Variants in ADARB2 observed in about 807,000 individuals in gnomAD.
ADARB2 encodes the protein adenosine deaminase RNA specific B2 (inactive).
A neutral mutation model predicts 62.2 loss-of-function variants in ADARB2; 25 were observed. The observed-to-expected ratio is 0.40, with a 90% CI of 0.29 to 0.56. ADARB2 has a LOEUF of 0.56. Ranked by LOEUF, ADARB2 falls within the 20% of genes least tolerant of loss-of-function variation. ADARB2 has a pLI of 0.43. For synonymous variants in ADARB2, 572 were observed against 500.8 expected, an observed-to-expected ratio of 1.14 and a Z score of -1.90; for missense variants, 1,071 against 1,077.4, an observed-to-expected ratio of 0.99 and a Z score of 0.08.
At chr10:1,558,155 C>A (rs1028246463) in intron 1 of ADARB2, among the ~76,000 whole-genome samples, 1 of 152,082 alleles carries the variant, frequency 6.6e-6, no homozygotes, top group African/African-American at 2.4e-5. Flanking sequence ...TTCCCACCCC[C>A]AGGCTGTGCC....
chr10:1,474,194 AG>A (rs1344452678), intron 1 of ADARB2, among the ~76,000 whole-genome samples: 1 of 152,234 alleles, frequency 6.6e-6, no homozygotes, highest in Non-Finnish European at 1.5e-5. Flanking sequence ...GTAAATTAAA[AG>A]GCATCTTCTC....
At chr10:1,717,373 C>T (rs1835032839) in intron 1 of ADARB2, among the ~76,000 whole-genome samples, 1 of 151,596 alleles carries the variant, frequency 6.6e-6, no homozygotes. Context: ...CTGACAGAGC[C>T]GCAGGTCTGA....
chr10:1,351,987 GCTTT>G (rs1476766325), intron 3 of ADARB2, among the ~76,000 whole-genome samples: 3 of 150,012 alleles, frequency 2.0e-5, no homozygotes, highest in Admixed American at 6.6e-5. Context: ...TCTCAAACAT[GCTTT>G]CTTTACTATT....
chr10:1,499,883 A>G (rs1831743009), intron 1 of ADARB2, among the ~76,000 whole-genome samples: 1 of 152,088 alleles, frequency 6.6e-6, no homozygotes, highest in Non-Finnish European at 1.5e-5. Context: ...GTCATTACTC[A>G]CTTATCTCTC....
At chr10:1,584,208 A>G (rs781112736) in intron 1 of ADARB2, among the ~76,000 whole-genome samples, 3 of 152,220 alleles carry the variant, frequency 2.0e-5, no homozygotes, top group Non-Finnish European at 4.4e-5. Context: ...ACCATAGATT[A>G]GGAGAAAATA....
chr10:1,280,565 G>T (rs139685656), intron 3 of ADARB2, among the ~76,000 whole-genome samples: 7 of 147,932 alleles, frequency 4.7e-5, no homozygotes, highest in African/African-American at 1.6e-4. Flanking sequence ...GTGATGCTCC[G>T]TGAAATTCCT....
At chr10:1,469,633 A>C (rs1831296821) in intron 1 of ADARB2, among the ~76,000 whole-genome samples, 1 of 152,224 alleles carries the variant, frequency 6.6e-6, no homozygotes. Flanking sequence ...GTAATTGATG[A>C]CTGGTGCCTT....
At chr10:1,678,074 G>C (rs938808253) in intron 1 of ADARB2, 2 of 705,488 alleles carry the variant, frequency 2.8e-6, no homozygotes, top group Admixed American at 6.3e-5. Context: ...TACACCACAG[G>C]CCTAGTGGTT....
At chr10:1,435,531 G>A (rs866271263) in intron 1 of ADARB2, among the ~76,000 whole-genome samples, 20 of 152,326 alleles carry the variant, frequency 1.3e-4, no homozygotes, top group Middle Eastern at 3.4e-3. Flanking sequence ...TGAGGGCGGA[G>A]CCTTCACAGC....
At chr10:1,577,350 A>G (rs1015886514) in intron 1 of ADARB2, among the ~76,000 whole-genome samples, 3 of 150,496 alleles carry the variant, frequency 2.0e-5, no homozygotes, top group Non-Finnish European at 4.4e-5. Context: ...TGATACCCTC[A>G]TGCACACAGG....
chr10:1,361,053 A>G (rs1013273678), intron 3 of ADARB2: 1 of 152,346 alleles, frequency 6.6e-6, no homozygotes, highest in African/African-American at 2.4e-5. Context: ...TGAGCAAGGT[A>G]TCCCAGCGAC....
chr10:1,299,012 TG>T (rs1272499425), intron 3 of ADARB2, among the ~76,000 whole-genome samples: 1 of 152,048 alleles, frequency 6.6e-6, no homozygotes, highest in Non-Finnish European at 1.5e-5. Context: ...CCCAAACTGC[TG>T]GGATGACAGG....
intron 1 of ADARB2, among the ~76,000 whole-genome samples, chr10:1,482,742 G>A (rs1040907739): frequency 1.3e-5 from 2 of 152,046 alleles, no homozygotes; most frequent in Non-Finnish European, 2.9e-5. Context: ...CTTGTTGTCT[G>A]CATTGGAATG....
intron 2 of ADARB2, among the ~76,000 whole-genome samples, chr10:1,375,778 G>A (rs925700815): frequency 2.0e-5 from 3 of 149,880 alleles, no homozygotes; most frequent in Admixed American, 6.6e-5. Flanking sequence ...GCACACATGT[G>A]CACACACATG....
At chr10:1,675,441 G>T (rs902567038) in intron 1 of ADARB2, 5 of 962,822 alleles carry the variant, frequency 5.2e-6, no homozygotes, top group Admixed American at 7.1e-5. Context: ...GGAGGTTTGG[G>T]TTGGAGGTGC....
At chr10:1,493,368 A>G (rs1227831026) in intron 1 of ADARB2, among the ~76,000 whole-genome samples, 2 of 152,140 alleles carry the variant, frequency 1.3e-5, no homozygotes, top group Non-Finnish European at 2.9e-5. Flanking sequence ...TTCTTTGGGT[A>G]TATTTTTGTA....
chr10:1,727,587 G>T (rs1164587263), intron 1 of ADARB2, among the ~76,000 whole-genome samples: 1 of 151,976 alleles, frequency 6.6e-6, no homozygotes, highest in African/African-American at 2.4e-5. Context: ...AACTTAAAGG[G>T]GTTTACATTT....
chr10:1,242,920 C>T (rs540189192), intron 4 of ADARB2, among the ~76,000 whole-genome samples: 46 of 152,302 alleles, frequency 3.0e-4, no homozygotes, highest in African/African-American at 1.1e-3. Flanking sequence ...CAAAAACAAC[C>T]CCCAACGTAA....
chr10:1,693,651 G>A (rs937643623), intron 1 of ADARB2, among the ~76,000 whole-genome samples: 25 of 152,136 alleles, frequency 1.6e-4, no homozygotes, highest in African/African-American at 5.3e-4. Context: ...TAATATATTT[G>A]ACTCTTCCAA....
Sources: gnomAD v4.1 joint callset for allele counts (sites outside exome capture counted in the v4.1 genomes callset) on GRCh38, gnomAD v4.1.1 for gene constraint, MANE v1.5 for transcripts, NCBI Gene and HGNC (gene_info 2026-07-23, HGNC 2026-07-21) for gene names.